The following VAPB variants were observed in gnomAD, a reference collection of about 807,000 sequenced individuals.
VAPB encodes vesicle-associated membrane protein-associated protein B/C.
In VAPB, 7 loss-of-function variants were observed where a neutral mutation model predicts 25.6. The ratio of observed to expected loss-of-function variants is 0.27; its 90% CI spans 0.16 to 0.51. VAPB has a LOEUF of 0.51. VAPB is among the 20% of genes least tolerant of loss of function. VAPB has a pLI of 0.97. For synonymous variants in VAPB, 112 were observed against 109.2 expected (o/e 1.03, Z -0.16); for missense variants, 266 against 301.3 (o/e 0.88, Z 0.87).
At chr20:58,414,329 C>A (rs1292318671) in intron 1 of VAPB, among the ~76,000 whole-genome samples, 2 of 148,698 alleles carry the variant, frequency 1.3e-5, no homozygotes, top group Non-Finnish European at 3.0e-5. Flanking sequence ...GGGCTGACCC[C>A]CCCCACCTCC....
intron 5 of VAPB, among the ~76,000 whole-genome samples, chr20:58,443,742 G>T (rs1265798180): frequency 2.0e-5 from 3 of 152,160 alleles, no homozygotes; most frequent in South Asian, 2.1e-4. Flanking sequence ...TGGCCATAGA[G>T]GTGGGTGGGG....
At chr20:58,422,121 C>T (rs1727046198) in intron 2 of VAPB, among the ~76,000 whole-genome samples, 2 of 152,140 alleles carry the variant, frequency 1.3e-5, no homozygotes, top group Non-Finnish European at 2.9e-5. Flanking sequence ...AGGCCCTGGC[C>T]CCTTGGACCT....
chr20:58,444,230 T>C lies in VAPB; in HGVS notation c.727T>C (p.Leu243=). The C allele has an allele frequency of 6.2e-7, 1 of 1,614,196 alleles. No individual in the cohort carries two copies. Among genetic ancestry groups the C allele is most frequent in the Non-Finnish European group, 8.5e-7 (1 of 1,180,034 alleles). Residue 243 remains leucine, a synonymous_variant, in exon 6 of 6, where the codon TTG becomes CTG. Coordinates refer to ENST00000475243, the MANE Select transcript of VAPB (RefSeq NM_004738.5). ...IVGVIIGKIA[L] is the part of the protein sequence containing the mutation. Reference sequence around the variant, plus strand: ...TGGTGTAATTATTGGGAAGATTGCCTTGTAGAGGTAGCATGCACAGGATGG... The same window carrying C: ...TGGTGTAATTATTGGGAAGATTGCCCTGTAGAGGTAGCATGCACAGGATGG...
At chr20:58,433,155 C>T (rs889674735) in intron 2 of VAPB, among the ~76,000 whole-genome samples, 15 of 152,212 alleles carry the variant, frequency 9.9e-5, no homozygotes, top group South Asian at 8.3e-4. Context: ...TTAGCTTTGT[C>T]GTGGGGCCTG....
intron 1 of VAPB, among the ~76,000 whole-genome samples, chr20:58,395,014 A>G (rs919923780): frequency 6.6e-6 from 1 of 152,206 alleles, no homozygotes; most frequent in African/African-American, 2.4e-5. Flanking sequence ...ACCCTGTGTT[A>G]TTATCGCTAA....
intron 3 of VAPB, among the ~76,000 whole-genome samples, chr20:58,438,486 G>T (rs1168115699): frequency 3.3e-5 from 5 of 152,092 alleles, no homozygotes; most frequent in Non-Finnish European, 7.3e-5. Context: ...CTTACGTTGT[G>T]CAGACTGGTC....
At chr20:58,441,497 T>C (rs1989161623) in intron 5 of VAPB, among the ~76,000 whole-genome samples, 1 of 151,874 alleles carries the variant, frequency 6.6e-6, no homozygotes, top group African/African-American at 2.4e-5. Context: ...AAAAAATTAG[T>C]TGGGTGTGGT....
intron 2 of VAPB, among the ~76,000 whole-genome samples, chr20:58,433,197 G>A (rs1988964458): frequency 6.6e-6 from 1 of 152,208 alleles, no homozygotes; most frequent in African/African-American, 2.4e-5. Flanking sequence ...TCATATTGGA[G>A]TGACTAGTGT....
rs1318170541 is a variant in VAPB at position 58,446,198 on chromosome 20, G to A, written c.*1963G>A. On this transcript the variant is annotated 3_prime_UTR_variant, in exon 6 of 6. Transcript: ENST00000475243. ...CACCCCAATAGGAATTCGTCTCCAG[G>A]ATTTTTCCCATGTGTCCCCCAGTAC... The A allele has an allele frequency of 4.2e-5, 19 of 454,104 alleles. No homozygotes were observed. In the East Asian group the frequency reaches 1.3e-3, roughly 32 times the overall value. 28.1% of individuals were successfully genotyped at this position (454,104 alleles called of 1,614,324 possible).
intron 3 of VAPB, among the ~76,000 whole-genome samples, chr20:58,434,933 T>C (rs1989007963): frequency 6.6e-6 from 1 of 152,218 alleles, no homozygotes; most frequent in Non-Finnish European, 1.5e-5. Flanking sequence ...TTTCTGACTT[T>C]CCTGAGCTCA....
intron 2 of VAPB, among the ~76,000 whole-genome samples, chr20:58,419,866 A>G (rs1454517809): frequency 1.3e-5 from 2 of 152,184 alleles, no homozygotes; most frequent in Non-Finnish European, 2.9e-5. Flanking sequence ...TTTTATAGGA[A>G]GAATAGGGAA....
In VAPB at chr20:58,398,744, G is replaced by A. The variant is rs537077437; in HGVS notation, c.58+9227G>A. On this transcript the variant is annotated intron_variant, in intron 1 of 5. Coordinates refer to ENST00000475243, the MANE Select transcript of VAPB (RefSeq NM_004738.5). ...TTCATTTATTTAATTCTTAATGCAA[G>A]CCTAGGAAGTGGGTACAGTTATGAT... is the stretch of plus-strand genomic sequence containing the variant. Among the ~76,000 whole-genome samples, 81 of 152,264 alleles carry A rather than the reference G, an allele frequency of 5.3e-4. 1 individual carries two copies. The South Asian group carries it at 8.7e-3, about 16-fold the overall frequency.
Position 58,444,563 on chromosome 20 carries a change from G to A in VAPB, c.*328G>A, listed in dbSNP as rs1159294832. ...TGGTAGGCCTTGGTACATGATGCTGGATTACCTCTCTTAAAATGACACCCT... is the reference window on the plus strand; with the variant it reads ...TGGTAGGCCTTGGTACATGATGCTGAATTACCTCTCTTAAAATGACACCCT... On this transcript the variant is annotated 3_prime_UTR_variant, in exon 6 of 6. Coordinates refer to ENST00000475243, the MANE Select transcript of VAPB (RefSeq NM_004738.5). 1 of 477,604 alleles carries A rather than the reference G, an allele frequency of 2.1e-6. No homozygotes were observed. Among genetic ancestry groups the A allele is most frequent in the South Asian group, 1.5e-5 (1 of 64,694 alleles). 29.6% of individuals were successfully genotyped at this position (477,604 alleles called of 1,614,324 possible). A position where few individuals can be genotyped will look rare whatever the true frequency, so the allele number is the denominator to read the frequency against.
Position 58,413,914 on chromosome 20 carries a change from C to G in VAPB, c.59-4297C>G, listed in dbSNP as rs1394262515. On this transcript the variant is annotated intron_variant, in intron 1 of 5. Coordinates refer to ENST00000475243, the MANE Select transcript of VAPB (RefSeq NM_004738.5). ...TAGGGGCGGCCGGGCAGAGGCGCCC[C>G]TCACCTCCCGGATGGGGCGGCTGGC... Among the ~76,000 whole-genome samples the G allele has an allele frequency of 3.0e-5, 3 of 100,372 alleles. 1 individual carries two copies. The highest frequency in any genetic ancestry group is 6.4e-4 in the East Asian group (2 of 3,128). 65.8% of individuals were successfully genotyped at this position (100,372 alleles called of 152,430 possible).
chr20:58,436,236 C>T (rs1284211222), intron 3 of VAPB, among the ~76,000 whole-genome samples: 1 of 149,942 alleles, frequency 6.7e-6, no homozygotes, highest in Non-Finnish European at 1.5e-5. Context: ...TTTGGAAATA[C>T]ACAAATGAAA....
intron 1 of VAPB, among the ~76,000 whole-genome samples, chr20:58,397,496 G>T (rs1377425144): frequency 1.3e-5 from 2 of 149,122 alleles, no homozygotes; most frequent in African/African-American, 5.0e-5. Flanking sequence ...TCCAGCCTGG[G>T]CAACAAGAGC....
chr20:58,402,626 A>G (rs1295917251), intron 1 of VAPB, among the ~76,000 whole-genome samples: 1 of 149,042 alleles, frequency 6.7e-6, no homozygotes, highest in Non-Finnish European at 1.5e-5. Context: ...AGCACAGCAC[A>G]GTGCATGGTG....
chr20:58,448,035 AAGG>A lies in VAPB; in HGVS notation c.*3803_*3805del, dbSNP rs1212594875. The A allele has an allele frequency of 4.4e-6, 2 of 453,974 alleles. No homozygotes were observed. The highest frequency in any genetic ancestry group is 8.8e-6 in the Non-Finnish European group (2 of 226,764). 28.1% of individuals were successfully genotyped at this position (453,974 alleles called of 1,614,324 possible). On this transcript the variant is annotated 3_prime_UTR_variant, in exon 6 of 6. Transcript: ENST00000475243. ...CTGCCCCCGGCTGTCTGGCCTGAAG[AAGG>A]AGAAAGAACCAAACTGAACTATGAA...
Position 58,437,351 on chromosome 20 carries a change from C to T in VAPB, c.316-1594C>T, listed in dbSNP as rs1600815219. ...GTATTCTGGATTTATTTGATTATTTCCTCATGATTAAATTCAAGTTAAATG... is the reference window on the plus strand; with the variant it reads ...GTATTCTGGATTTATTTGATTATTTTCTCATGATTAAATTCAAGTTAAATG... On this transcript the variant is annotated intron_variant, in intron 3 of 5. Transcript: ENST00000475243. 2.0e-5 allele frequency among the ~76,000 whole-genome samples: 3 copies of T among 152,118 alleles called. No individual in the cohort carries two copies. The South Asian group carries it at 6.2e-4, about 32-fold the overall frequency.
Sources: allele counts gnomAD v4.1 joint callset (sites outside exome capture counted in the v4.1 genomes callset), GRCh38; gene constraint gnomAD v4.1.1; transcripts MANE v1.5; gene names NCBI Gene and HGNC (gene_info 2026-07-23, HGNC 2026-07-21).